The following AKAP6 variants were observed in gnomAD, a reference collection of about 807,000 sequenced individuals.
AKAP6 encodes A-kinase anchoring protein 6.
AKAP6 carries 58 observed loss-of-function variants against 188.5 expected under a neutral mutation model. The ratio of observed to expected loss-of-function variants is 0.31; its 90% CI spans 0.25 to 0.38. The LOEUF (loss-of-function observed/expected upper bound fraction) is 0.38. Ranked by LOEUF, AKAP6 falls within the 10% of genes least tolerant of loss-of-function variation. AKAP6 has a pLI of 1.00. For synonymous variants in AKAP6, 989 were observed against 998.6 expected (o/e 0.99, Z 0.18); for missense variants, 2,710 against 2,740.0 (o/e 0.99, Z 0.24).
At chr14:32,566,914 C>G (rs988913968) in intron 4 of AKAP6, among the ~76,000 whole-genome samples, 1 of 152,012 alleles carries the variant, frequency 6.6e-6, no homozygotes, top group Non-Finnish European at 1.5e-5. Context: ...TGAATGTTAT[C>G]TGTCAAGTAC....
At chr14:32,423,421 C>G (rs1191030425) in intron 1 of AKAP6, among the ~76,000 whole-genome samples, 1 of 152,114 alleles carries the variant, frequency 6.6e-6, no homozygotes, top group Non-Finnish European at 1.5e-5. Flanking sequence ...CTTAATTGAT[C>G]CCCCACCTTC....
intron 1 of AKAP6, among the ~76,000 whole-genome samples, chr14:32,430,411 A>G (rs1431192105): frequency 1.3e-5 from 2 of 152,312 alleles, no homozygotes; most frequent in East Asian, 3.9e-4. Context: ...TTGGGACATA[A>G]GCTAATTCTT....
At chr14:32,465,170 T>C (rs1878335671) in intron 2 of AKAP6, among the ~76,000 whole-genome samples, 1 of 152,166 alleles carries the variant, frequency 6.6e-6, no homozygotes, top group Non-Finnish European at 1.5e-5. Context: ...CTGCCCAAAG[T>C]AATTTAAATA....
chr14:32,404,709 T>TATATATATATATATATATATATATA, intron 1 of AKAP6, among the ~76,000 whole-genome samples: 1 of 135,426 alleles, frequency 7.4e-6, no homozygotes, highest in Non-Finnish European at 1.6e-5. Flanking sequence ...TATATATATA[T>TATATATATATATATATATATATATA]ATTAGTCAGA....
chr14:32,407,995 A>G lies in AKAP6; in HGVS notation c.-34-25465A>G, dbSNP rs111253462. Among the ~76,000 whole-genome samples the G allele has an allele frequency of 1.6e-3, 237 of 152,322 alleles. 1 individual carries two copies. The highest frequency in any genetic ancestry group is 5.5e-3 in the African/African-American group (228 of 41,576). ...CAGATGATGTGCAGAAAAGTGCCAG[A>G]TGATTAGGCTCTTTCTAGGGGATGT... On this transcript the variant is annotated intron_variant, in intron 1 of 13. Coordinates refer to ENST00000280979, the MANE Select transcript of AKAP6 (RefSeq NM_004274.5).
intron 1 of AKAP6, among the ~76,000 whole-genome samples, chr14:32,341,110 C>T (rs183147402): frequency 8.9e-4 from 136 of 152,322 alleles, no homozygotes; most frequent in African/African-American, 3.1e-3. Flanking sequence ...CATAAAGTTT[C>T]GCTTAAACTA....
rs538848293 is a variant in AKAP6 at position 32,755,709 on chromosome 14, G to T, written c.3373-17969G>T. The stretch of plus-strand genomic sequence containing the variant: ...CACCCAGCAACTTTTTGAATTTTTT[G>T]TACAGACAAGGTTTCACCATGTTGC... On this transcript the variant is annotated intron_variant, in intron 11 of 13. Coordinates refer to ENST00000280979, the MANE Select transcript of AKAP6 (RefSeq NM_004274.5). Among the ~76,000 whole-genome samples the T allele has an allele frequency of 2.6e-3, 391 of 152,000 alleles. 1 individual carries two copies. Among genetic ancestry groups the T allele is most frequent in the Non-Finnish European group, 3.9e-3 (265 of 67,962 alleles).
intron 2 of AKAP6, among the ~76,000 whole-genome samples, chr14:32,468,442 G>C (rs893941280): frequency 2.0e-5 from 3 of 152,114 alleles, no homozygotes; most frequent in African/African-American, 7.2e-5. Flanking sequence ...GCCCACCTCT[G>C]TAAGTATAGC....
chr14:32,506,823 A>G (rs972149472), intron 2 of AKAP6, among the ~76,000 whole-genome samples: 8 of 152,204 alleles, frequency 5.3e-5, no homozygotes, highest in African/African-American at 1.9e-4. Flanking sequence ...GTGAGCCACC[A>G]CACCCAGCCC....
At chr14:32,604,972 G>A (rs1010007158) in intron 7 of AKAP6, among the ~76,000 whole-genome samples, 2 of 151,844 alleles carry the variant, frequency 1.3e-5, no homozygotes, top group Admixed American at 6.6e-5. Flanking sequence ...TGCTCTCCCC[G>A]CACCTGTCCC....
intron 9 of AKAP6, among the ~76,000 whole-genome samples, chr14:32,710,603 A>T (rs1891008040): frequency 6.6e-6 from 1 of 152,018 alleles, no homozygotes; most frequent in Non-Finnish European, 1.5e-5. Flanking sequence ...GTGCGCAATC[A>T]CAGACGAAAA....
chr14:32,580,784 A>G (rs894148645), intron 5 of AKAP6, among the ~76,000 whole-genome samples: 7 of 151,162 alleles, frequency 4.6e-5, no homozygotes, highest in South Asian at 2.1e-4. Context: ...ATTCCCACCT[A>G]TGAGTGACAA....
chr14:32,483,433 T>G lies in AKAP6; in HGVS notation c.324+49616T>G, dbSNP rs541335649. Among the ~76,000 whole-genome samples, 4 of 152,180 alleles carry G rather than the reference T, an allele frequency of 2.6e-5. No individual in the cohort carries two copies. The East Asian group carries it at 7.7e-4, about 29-fold the overall frequency. The stretch of plus-strand genomic sequence containing the variant: ...GTAGGAATGTAAAACAGTTTTATAG[T>G]GAAGTTTGATTTTTTTTCTCTTATA... On this transcript the variant is annotated intron_variant, in intron 2 of 13. Transcript: ENST00000280979.
Position 32,811,255 on chromosome 14 carries a change from A to AAAAAAAAAT in AKAP6, c.3589-10146_3589-10145insAAAAAAATA, listed in dbSNP as rs546819675. On this transcript the variant is annotated intron_variant, in intron 12 of 13. Transcript: ENST00000280979. ...CTCCGTCTCAGGAAAAAAAAAAAAA[A>AAAAAAAAAT]AGTTGAAAAACAGACTAAGATAATG... Among the ~76,000 whole-genome samples the AAAAAAAAAT allele has an allele frequency of 4.7e-4, 56 of 118,346 alleles. 7 individuals carry two copies. The highest frequency in any genetic ancestry group is 7.8e-4 in the Non-Finnish European group (44 of 56,418). 77.6% of individuals were successfully genotyped at this position (118,346 alleles called of 152,430 possible).
At chr14:32,583,216 C>T (rs368812432) in intron 5 of AKAP6, among the ~76,000 whole-genome samples, 183 of 152,264 alleles carry the variant, frequency 1.2e-3, no homozygotes, top group East Asian at 5.6e-3. Context: ...TAGACAGGAC[C>T]CTCAGCTGCA....
intron 2 of AKAP6, among the ~76,000 whole-genome samples, chr14:32,503,393 G>T (rs1412000163): frequency 6.6e-6 from 1 of 151,806 alleles, no homozygotes; most frequent in Admixed American, 6.6e-5. Flanking sequence ...TTTACTTATG[G>T]CATCTTTTTT....
chr14:32,521,443 A>T (rs973675432), intron 2 of AKAP6, among the ~76,000 whole-genome samples: 1 of 152,176 alleles, frequency 6.6e-6, no homozygotes, highest in Admixed American at 6.5e-5. Flanking sequence ...AAACCCCATC[A>T]TCTCAGCCTA....
intron 2 of AKAP6, among the ~76,000 whole-genome samples, chr14:32,469,747 C>G (rs1184153313): frequency 7.0e-6 from 1 of 143,792 alleles, no homozygotes. Context: ...TGTCTTGGCT[C>G]GTCAGCCAGA....
chr14:32,445,999 G>A (rs1464183686), intron 2 of AKAP6, among the ~76,000 whole-genome samples: 1 of 152,124 alleles, frequency 6.6e-6, no homozygotes, highest in Non-Finnish European at 1.5e-5. Flanking sequence ...ATTTAGGAAT[G>A]ATTTGAGGGA....
Sources: allele counts gnomAD v4.1 joint callset (sites outside exome capture counted in the v4.1 genomes callset), GRCh38; gene constraint gnomAD v4.1.1; transcripts MANE v1.5; gene names NCBI Gene and HGNC (gene_info 2026-07-23, HGNC 2026-07-21).